The following GPC5 variants were observed in gnomAD, a reference collection of about 807,000 sequenced individuals.
GPC5 encodes glypican-5.
Under a neutral mutation model 53.9 loss-of-function variants are expected in GPC5, and 47 were observed. The observed-to-expected ratio is 0.87, with a 90% CI of 0.69 to 1.11. The LOEUF (loss-of-function observed/expected upper bound fraction) is 1.11, where lower values mean the gene tolerates loss of function less well. Among genes scored for constraint, GPC5 ranks in the 50% most tolerant of loss-of-function variants. The probability of loss-of-function intolerance (pLI) is 0.00; values close to 1 mark genes in which losing one functional copy is unlikely to be tolerated. For synonymous variants in GPC5, 286 were observed against 263.3 expected (o/e 1.09, Z -0.84); for missense variants, 748 against 713.1 (o/e 1.05, Z -0.56).
chr13:92,381,461 G>A (rs1414611135), intron 7 of GPC5, among the ~76,000 whole-genome samples: 1 of 152,084 alleles, frequency 6.6e-6, no homozygotes, highest in Admixed American at 6.6e-5. Context: ...TACCACCTCT[G>A]TCCTGCAAGT....
At chr13:92,264,103 TAAAAG>T (rs2042784507) in intron 7 of GPC5, among the ~76,000 whole-genome samples, 1 of 152,122 alleles carries the variant, frequency 6.6e-6, no homozygotes, top group African/African-American at 2.4e-5. Flanking sequence ...ATTTTAAAAA[TAAAAG>T]AAAATTTTGT....
At chr13:92,825,024 G>C (rs1877796884) in intron 7 of GPC5, among the ~76,000 whole-genome samples, 1 of 152,058 alleles carries the variant, frequency 6.6e-6, no homozygotes, top group Admixed American at 6.6e-5. Flanking sequence ...ACGTCAGACA[G>C]ACTGTATAAT....
At chr13:92,415,301 A>G (rs1387969754) in intron 7 of GPC5, among the ~76,000 whole-genome samples, 2 of 152,330 alleles carry the variant, frequency 1.3e-5, no homozygotes, top group East Asian at 1.9e-4. Context: ...GAAGCCCTGA[A>G]TGGATGTGAA....
chr13:92,257,546 ATTTTTTT>A (rs398023955), intron 7 of GPC5, among the ~76,000 whole-genome samples: 6 of 72,948 alleles, frequency 8.2e-5, no homozygotes, highest in Non-Finnish European at 9.2e-5. Context: ...TAATACAGGG[ATTTTTTT>A]TTTTTTTTTT....
At chr13:91,932,666 T>G (rs1197135771) in intron 6 of GPC5, among the ~76,000 whole-genome samples, 2 of 151,972 alleles carry the variant, frequency 1.3e-5, no homozygotes, top group Non-Finnish European at 2.9e-5. Context: ...GTCAATCACA[T>G]TCCGAGGATT....
chr13:91,571,824 T>TACATACACACAC (rs2031822552), intron 2 of GPC5, among the ~76,000 whole-genome samples: 2 of 82,088 alleles, frequency 2.4e-5, no homozygotes, highest in African/African-American at 1.5e-4. Context: ...CGTGTGTGTA[T>TACATACACACAC]ATATACACAT....
At chr13:91,789,336 CTG>C (rs2037927434) in intron 5 of GPC5, among the ~76,000 whole-genome samples, 1 of 152,140 alleles carries the variant, frequency 6.6e-6, no homozygotes, top group Admixed American at 6.5e-5. Flanking sequence ...CAAAATAGAA[CTG>C]TGCATTTACT....
chr13:92,033,184 A>C (rs2040867603), intron 6 of GPC5, among the ~76,000 whole-genome samples: 1 of 152,142 alleles, frequency 6.6e-6, no homozygotes, highest in African/African-American at 2.4e-5. Flanking sequence ...TAACTTGAGT[A>C]AATAGAGTAT....
chr13:91,414,602 G>A (rs983673317), intron 1 of GPC5, among the ~76,000 whole-genome samples: 1 of 152,204 alleles, frequency 6.6e-6, no homozygotes, highest in Non-Finnish European at 1.5e-5. Context: ...AGGAGGGGGA[G>A]GGATGCAGAT....
intron 5 of GPC5, among the ~76,000 whole-genome samples, chr13:91,868,302 C>A (rs1245224960): frequency 6.6e-6 from 1 of 152,122 alleles, no homozygotes; most frequent in African/African-American, 2.4e-5. Context: ...CAGAAAATGA[C>A]CATATGGTTG....
intron 7 of GPC5, among the ~76,000 whole-genome samples, chr13:92,368,292 C>A (rs1229852677): frequency 1.3e-5 from 2 of 151,276 alleles, no homozygotes; most frequent in Non-Finnish European, 2.9e-5. Flanking sequence ...GCCCTAAAAC[C>A]TTTTACTATC....
intron 7 of GPC5, among the ~76,000 whole-genome samples, chr13:92,697,933 T>C (rs1370861004): frequency 6.6e-6 from 1 of 152,226 alleles, no homozygotes; most frequent in Non-Finnish European, 1.5e-5. Flanking sequence ...CTAAGGCCTT[T>C]ACTGTATCTA....
At chr13:91,813,361 G>A (rs1489855858) in intron 5 of GPC5, among the ~76,000 whole-genome samples, 2 of 152,138 alleles carry the variant, frequency 1.3e-5, no homozygotes, top group Non-Finnish European at 1.5e-5. Flanking sequence ...AAATTTTCAC[G>A]AGCTTTTGAC....
intron 5 of GPC5, among the ~76,000 whole-genome samples, chr13:91,822,921 T>G (rs2038519149): frequency 6.6e-6 from 1 of 152,104 alleles, no homozygotes; most frequent in Non-Finnish European, 1.5e-5. Context: ...TGTATTAAAT[T>G]AATATTATTC....
At chr13:92,771,448 A>G (rs1875612728) in intron 7 of GPC5, among the ~76,000 whole-genome samples, 1 of 151,888 alleles carries the variant, frequency 6.6e-6, no homozygotes, top group South Asian at 2.1e-4. Flanking sequence ...GGTTTAAGCA[A>G]TTCTATGCCT....
intron 1 of GPC5, among the ~76,000 whole-genome samples, chr13:91,414,592 A>G (rs1878045397): frequency 6.6e-6 from 1 of 152,162 alleles, no homozygotes; most frequent in Admixed American, 6.5e-5. Flanking sequence ...ATGAAGACAA[A>G]GGAGGGGGAG....
chr13:91,772,597 A>G (rs2037643869), intron 5 of GPC5, among the ~76,000 whole-genome samples: 1 of 152,142 alleles, frequency 6.6e-6, no homozygotes, highest in African/African-American at 2.4e-5. Context: ...AATGTCACCT[A>G]ATTTATTAGA....
At chr13:92,728,935 C>T (rs970977597) in intron 7 of GPC5, among the ~76,000 whole-genome samples, 5 of 151,386 alleles carry the variant, frequency 3.3e-5, no homozygotes, top group Non-Finnish European at 5.9e-5. Context: ...AGTACTAGGG[C>T]AAAGAGTCGA....
chr13:91,756,967 T>G (rs1193636563), intron 5 of GPC5, among the ~76,000 whole-genome samples: 1 of 152,074 alleles, frequency 6.6e-6, no homozygotes, highest in Non-Finnish European at 1.5e-5. Context: ...TATATATATA[T>G]CTGTTTGAGG....
Sources: gnomAD v4.1 joint callset for allele counts (sites outside exome capture counted in the v4.1 genomes callset) on GRCh38, gnomAD v4.1.1 for gene constraint, MANE v1.5 for transcripts, NCBI Gene and HGNC (gene_info 2026-07-23, HGNC 2026-07-21) for gene names.